The following DOP1B variants were observed in gnomAD, a reference collection of about 807,000 sequenced individuals.
DOP1B encodes the protein protein DOP1B.
A neutral mutation model predicts 233.5 loss-of-function variants in DOP1B; 174 were observed. That is an observed-to-expected ratio of 0.75 (90% CI 0.66 to 0.85). The LOEUF is 0.85. DOP1B is among the 40% of genes least tolerant of loss of function. DOP1B has a pLI of 0.00. For synonymous variants in DOP1B, 1,190 were observed against 1,185.6 expected (o/e 1.00, Z -0.08); for missense variants, 2,652 against 2,846.6 (o/e 0.93, Z 1.56).
chr21:36,271,193 C>T (rs746676496), intron 27 of DOP1B, among the ~76,000 whole-genome samples: 1 of 151,100 alleles, frequency 6.6e-6, no homozygotes, highest in Non-Finnish European at 1.5e-5. Flanking sequence ...TTCATTCACC[C>T]AGACTCTTTC....
At chr21:36,250,439 G>T (rs1270598937) in intron 21 of DOP1B, among the ~76,000 whole-genome samples, 1 of 152,132 alleles carries the variant, frequency 6.6e-6, no homozygotes, top group Non-Finnish European at 1.5e-5. Flanking sequence ...GAAACACAGG[G>T]TTTCCTGAGA....
At position 36,284,208 on chromosome 21, in the gene DOP1B, C is replaced by T. The variant is rs1211145792; in HGVS notation, c.6160+2597C>T. 2.0e-5 allele frequency among the ~76,000 whole-genome samples: 3 copies of T among 151,326 alleles called. No individual in the cohort carries two copies. The East Asian group carries it at 5.8e-4, about 29-fold the overall frequency. Reference sequence around the variant, plus strand: ...CAAGTGATCCGCCTGTGTTGGCCTCCCAAAGTGCTGGGATTACAGGCATGA... The same window carrying T: ...CAAGTGATCCGCCTGTGTTGGCCTCTCAAAGTGCTGGGATTACAGGCATGA... On this transcript the variant is annotated intron_variant, in intron 32 of 36. Transcript: ENST00000691173.
rs1053617356 is a variant in DOP1B, at chr21:36,227,619, T to G, written c.1474-67T>G. On this transcript the variant is annotated intron_variant, in intron 12 of 36. Transcript: ENST00000691173. Reference sequence around the variant, plus strand: ...CTAAAAAATTGAATTAGATGCCATTTTGAGATGCATTGTTTTTCTGATTGT... The same window carrying G: ...CTAAAAAATTGAATTAGATGCCATTGTGAGATGCATTGTTTTTCTGATTGT... The G allele has an allele frequency of 3.0e-6, 4 of 1,332,942 alleles. No homozygotes were observed. In the African/African-American group the frequency reaches 4.4e-5, roughly 15 times the overall value. 82.6% of individuals were successfully genotyped at this position (1,332,942 alleles called of 1,614,324 possible). A position where few individuals can be genotyped will look rare whatever the true frequency, so the allele number is the denominator to read the frequency against.
rs2066947396 is a variant in DOP1B at position 36,245,450 on chromosome 21, A to G, written c.3470A>G (p.Lys1157Arg). The part of the protein sequence containing the change: ...PIPMGGRAYP[K>R]RSALLAAFQS... The stretch of plus-strand genomic sequence containing the variant: ...CCCATGGGGGGCAGGGCGTACCCCA[A>G]GCGCTCGGCCCTGCTGGCGGCCTTC... The change falls in exon 19 of 37, where the codon AAG becomes AGG. Residue 1157 changes from lysine to arginine, a missense_variant. This residue lies in a region of DOP1B where 2,617 missense variants were observed against 2,794.3 expected (regional missense o/e 0.94). Transcript: ENST00000691173. The surrounding 1 kb of genome is among the most constrained non-coding windows in gnomAD (Gnocchi z 5.5). The G allele has an allele frequency of 6.2e-7, 1 of 1,613,834 alleles. No individual in the cohort carries two copies. The highest frequency in any genetic ancestry group is 8.5e-7 in the Non-Finnish European group (1 of 1,180,038).
rs549799963 is a variant in DOP1B at position 36,162,792 on chromosome 21, G to A, written c.-26-1916G>A. 2.5e-4 allele frequency among the ~76,000 whole-genome samples: 38 copies of A among 152,134 alleles called. 1 individual carries two copies. The highest frequency in any genetic ancestry group is 7.5e-4 in the African/African-American group (31 of 41,504). Reference sequence around the variant, plus strand: ...ACATCTGACCTCAAGTGATCTGCCCGCCTTGGCCTCTCAAAAGTGCTGAGA... The same window carrying A: ...ACATCTGACCTCAAGTGATCTGCCCACCTTGGCCTCTCAAAAGTGCTGAGA... On this transcript the variant is annotated intron_variant, in intron 1 of 36. Coordinates refer to ENST00000691173, the MANE Select transcript of DOP1B (RefSeq NM_001320714.2).
Position 36,231,056 on chromosome 21 carries a change from C to T in DOP1B, c.2272C>T (p.Leu758=). 1 of 1,613,922 alleles carries T rather than the reference C, an allele frequency of 6.2e-7. No individual in the cohort carries two copies. The highest frequency in any genetic ancestry group is 1.3e-5 in the African/African-American group (1 of 75,024). Residue 758 remains leucine (L), a synonymous_variant, in exon 14 of 37, where the codon CTG becomes TTG. Transcript: ENST00000691173. ...CTTTGCCGCCGCCTGCCACCTGCTGCTGGATTGTGCCACTTTCCCTGTCTA... is the reference window on the plus strand; with the variant it reads ...CTTTGCCGCCGCCTGCCACCTGCTGTTGGATTGTGCCACTTTCCCTGTCTA... ...EAFAAACHLL[L]DCATFPVYLS...
chr21:36,272,521 G>A (rs1398952786), intron 27 of DOP1B, among the ~76,000 whole-genome samples: 2 of 151,808 alleles, frequency 1.3e-5, no homozygotes, highest in African/African-American at 2.4e-5. Context: ...ATGGTGGCGG[G>A]CATCTGTAGT....
At chr21:36,257,113 C>T (rs1435905635) in intron 23 of DOP1B, among the ~76,000 whole-genome samples, 3 of 152,076 alleles carry the variant, frequency 2.0e-5, no homozygotes, top group Admixed American at 6.6e-5. Flanking sequence ...TCCAGAAACA[C>T]GTTTACTGGT....
At chr21:36,194,354 G>C (rs541784832) in intron 2 of DOP1B, among the ~76,000 whole-genome samples, 51 of 152,150 alleles carry the variant, frequency 3.4e-4, no homozygotes, top group Non-Finnish European at 1.6e-4. Flanking sequence ...TTACCTCTCT[G>C]ATGGGTGAAG....
At position 36,278,219 on chromosome 21, in the gene DOP1B, G is replaced by A. The variant is rs1194590236; in HGVS notation, c.5833G>A (p.Ala1945Thr). Reference sequence around the variant, plus strand: ...CCCACTCCCACTCAGTGCCTACAATGCTCCCAGCTTCCGGGCTGGCGCTCA... The same window carrying A: ...CCCACTCCCACTCAGTGCCTACAATACTCCCAGCTTCCGGGCTGGCGCTCA... ...PYLRNHSAYN[A>T]PSFRAGAQLL... is the part of the protein sequence containing the mutation. Residue 1945 changes from alanine to threonine, a missense_variant, in exon 30 of 37, where the codon GCT becomes ACT. Ala to Thr is a moderately conservative substitution (Grantham distance 58). Transcript: ENST00000691173. 1.2e-6 allele frequency: 2 copies of A among 1,613,996 alleles called. No homozygotes were observed. The highest frequency in any genetic ancestry group is 1.7e-6 in the Non-Finnish European group (2 of 1,179,986).
At chr21:36,272,104 A>T (rs560183135) in intron 27 of DOP1B, among the ~76,000 whole-genome samples, 9 of 152,288 alleles carry the variant, frequency 5.9e-5, no homozygotes, top group African/African-American at 2.2e-4. Flanking sequence ...GGAACAAGAA[A>T]CTACATTTCA....
intron 26 of DOP1B, among the ~76,000 whole-genome samples, chr21:36,264,125 G>A (rs941175658): frequency 6.6e-6 from 1 of 152,178 alleles, no homozygotes; most frequent in African/African-American, 2.4e-5. Flanking sequence ...AATGGAATAA[G>A]AAATCTTATT....
chr21:36,282,932 A>G (rs2146251069), intron 32 of DOP1B, among the ~76,000 whole-genome samples: 1 of 151,904 alleles, frequency 6.6e-6, no homozygotes, highest in Admixed American at 6.6e-5. Flanking sequence ...GTGCCACTGC[A>G]CTCCAGCCTG....
At chr21:36,244,550 G>T (rs564275987) in intron 18 of DOP1B, among the ~76,000 whole-genome samples, 1 of 151,816 alleles carries the variant, frequency 6.6e-6, no homozygotes, top group African/African-American at 2.4e-5. Flanking sequence ...TCAGCCTCCC[G>T]AGTAGCTGGA....
rs1254384653 is a variant in DOP1B, at chr21:36,214,501, T to C, written c.1074T>C (p.His358=). The stretch of plus-strand genomic sequence containing the variant: ...ATGCTGACGTGGAGGAACGCCATCA[T>C]GCATACCTGAAGCCTTTTCGCGTCC... ...FIDADVEERH[H]AYLKPFRVLI... Residue 358 remains histidine, a synonymous_variant, in exon 9 of 37, where the codon CAT becomes CAC. Transcript: ENST00000691173. 8 of 1,613,930 alleles carry C rather than the reference T, an allele frequency of 5.0e-6. No homozygotes were observed. The highest frequency in any genetic ancestry group is 2.7e-5 in the African/African-American group (2 of 74,930).
At chr21:36,238,237 G>A (rs527513870) in intron 16 of DOP1B, among the ~76,000 whole-genome samples, 3 of 152,022 alleles carry the variant, frequency 2.0e-5, no homozygotes, top group Non-Finnish European at 4.4e-5. Context: ...AGAATTTATC[G>A]TCCTGGGTCT....
At chr21:36,169,526 A>G in intron 2 of DOP1B, 1 of 1,120,946 alleles carries the variant, frequency 8.9e-7, no homozygotes, top group Non-Finnish European at 1.3e-6. Context: ...CACCCCGATG[A>G]TGTCGATCAT....
intron 4 of DOP1B, among the ~76,000 whole-genome samples, chr21:36,205,217 C>T (rs976180885): frequency 6.6e-6 from 1 of 152,204 alleles, no homozygotes; most frequent in Non-Finnish European, 1.5e-5. Flanking sequence ...GGTGCCCGGC[C>T]CATGCCACTC....
chr21:36,248,811 A>G (rs2066999186), intron 21 of DOP1B, among the ~76,000 whole-genome samples: 1 of 152,138 alleles, frequency 6.6e-6, no homozygotes, highest in African/African-American at 2.4e-5. Context: ...TTGTAGTTAA[A>G]AATAAAGTCT....
Sources: gnomAD v4.1 joint callset for allele counts (sites outside exome capture counted in the v4.1 genomes callset) on GRCh38, gnomAD v4.1.1 for gene constraint, gnomAD v4.1.1 regional missense constraint, Gnocchi (gnomAD v3.1) non-coding constraint, MANE v1.5 for transcripts, NCBI Gene and HGNC (gene_info 2026-07-23, HGNC 2026-07-21) for gene names.